DLC1: variants seen among roughly 807,000 people sequenced by gnomAD.
DLC1 encodes DLC1 Rho GTPase activating protein.
In DLC1, 54 loss-of-function variants were observed where a neutral mutation model predicts 140.3. That is an observed-to-expected ratio of 0.38 (90% CI 0.31 to 0.48). The LOEUF (loss-of-function observed/expected upper bound fraction) is 0.48. Among genes scored for constraint, DLC1 ranks in the 20% least tolerant of loss-of-function variants. The pLI is 0.96. For missense variants in DLC1, 2,536 were observed against 1,907.0 expected, an observed-to-expected ratio of 1.33 and a Z score of -6.14; for synonymous variants, 986 against 728.1, an observed-to-expected ratio of 1.35 and a Z score of -5.70.
intron 12 of DLC1, 61 bp downstream of exon 12, chr8:13,094,698 A>C: frequency 6.3e-7 from 1 of 1,592,052 alleles, no homozygotes; most frequent in Non-Finnish European, 8.6e-7. Context: ...AGGAAGCTAC[A>C]AGCTTCAGTT....
At chr8:13,484,726 C>A (rs1018983840) in intron 2 of DLC1, among the ~76,000 whole-genome samples, 1 of 151,962 alleles carries the variant, frequency 6.6e-6, no homozygotes, top group African/African-American at 2.4e-5. Flanking sequence ...GAACTAATGG[C>A]AGCAACAGTA....
chr8:13,091,423 T>C lies in DLC1; in HGVS notation c.3750A>G (p.Gln1250=). ...CTGGTTTGCCCAAACTTTGTTTTCT[T>C]TGCATTACCCTAGGTAGAAGAAATA... is the stretch of plus-strand genomic sequence containing the variant. ...KRENSSPRVM[Q]RKQSLGKPDQ... The change falls in exon 14 of 18, where the codon CAA becomes CAG. Residue 1250 remains glutamine (Q), a synonymous_variant. Transcript: ENST00000276297. 6.2e-7 allele frequency: 1 copy of C among 1,614,070 alleles called. No individual in the cohort carries two copies. Among genetic ancestry groups the C allele is most frequent in the Non-Finnish European group, 8.5e-7 (1 of 1,179,932 alleles).
intron 1 of DLC1, among the ~76,000 whole-genome samples, chr8:13,529,923 C>T (rs1014277409): frequency 3.4e-4 from 51 of 152,090 alleles, no homozygotes; most frequent in African/African-American, 8.7e-4. Flanking sequence ...AAAGAAGGGA[C>T]GAAAGGCTAC....
chr8:13,258,654 T>A (rs1235075019), intron 5 of DLC1, among the ~76,000 whole-genome samples: 1 of 152,162 alleles, frequency 6.6e-6, no homozygotes, highest in East Asian at 1.9e-4. Context: ...TGTAAGTTGG[T>A]TGTTGCAGTA....
intron 2 of DLC1, among the ~76,000 whole-genome samples, chr8:13,423,825 C>T (rs1266261333): frequency 6.6e-6 from 1 of 152,054 alleles, no homozygotes; most frequent in Non-Finnish European, 1.5e-5. Context: ...CTCTTTAAAA[C>T]AATTTAAAGA....
At chr8:13,549,893 C>T (rs1242317937) in intron 1 of DLC1, among the ~76,000 whole-genome samples, 1 of 152,132 alleles carries the variant, frequency 6.6e-6, no homozygotes, top group Non-Finnish European at 1.5e-5. Flanking sequence ...TCAAAAGTGG[C>T]TCTCCGGCTT....
chr8:13,473,024 C>T (rs902303108), intron 2 of DLC1, among the ~76,000 whole-genome samples: 2 of 152,094 alleles, frequency 1.3e-5, no homozygotes, highest in African/African-American at 4.8e-5. Flanking sequence ...TGAAGAGACA[C>T]AGAAGGAATT....
chr8:13,566,681 C>T (rs1379667971), intron 1 of DLC1, among the ~76,000 whole-genome samples: 1 of 152,230 alleles, frequency 6.6e-6, no homozygotes, highest in Non-Finnish European at 1.5e-5. Flanking sequence ...TTCCCGTTGA[C>T]TACTCGACTT....
intron 2 of DLC1, among the ~76,000 whole-genome samples, chr8:13,460,939 G>T (rs1799626736): frequency 6.6e-6 from 1 of 152,220 alleles, no homozygotes; most frequent in Admixed American, 6.5e-5. Flanking sequence ...AGGGCTGGGT[G>T]CCAAGGCTCA....
rs753582803 is a variant in DLC1 at position 13,499,539 on chromosome 8, C to G, written c.533G>C (p.Ser178Thr). 2 of 1,614,146 alleles carry G rather than the reference C, an allele frequency of 1.2e-6. No individual in the cohort carries two copies. Among genetic ancestry groups the G allele is most frequent in the Admixed American group, 1.7e-5 (1 of 60,016 alleles). ...AGAGTCAGTAACTTTTCTCTCCCCA[C>G]TTTCTTTTACCAGTGCTAATTCAGT... ...GETELALVKESGERKVTDSIS... is the reference protein window; with the variant it reads ...GETELALVKETGERKVTDSIS... The change falls in exon 2 of 18, where the codon AGT becomes ACT. Residue 178 changes from serine (S) to threonine (T), a missense_variant. Physicochemically the swap from Ser to Thr is moderately conservative, Grantham distance 58 (BLOSUM62 1). Transcript: ENST00000276297.
At chr8:13,407,927 C>A (rs947028977) in intron 2 of DLC1, among the ~76,000 whole-genome samples, 1 of 152,186 alleles carries the variant, frequency 6.6e-6, no homozygotes, top group African/African-American at 2.4e-5. Flanking sequence ...CAATAAATTT[C>A]TCATTCTAGA....
intron 4 of DLC1, among the ~76,000 whole-genome samples, chr8:13,381,560 G>T (rs966611777): frequency 7.9e-5 from 12 of 152,314 alleles, no homozygotes; most frequent in Non-Finnish European, 1.8e-4. Context: ...TTGTCTCTTA[G>T]ATTTTTCACT....
intron 1 of DLC1, among the ~76,000 whole-genome samples, chr8:13,513,497 C>T (rs1802467580): frequency 6.6e-6 from 1 of 152,028 alleles, no homozygotes; most frequent in Non-Finnish European, 1.5e-5. Flanking sequence ...TACTTCATTT[C>T]TTATGATCCA....
At chr8:13,318,799 G>T (rs1422984015) in intron 4 of DLC1, among the ~76,000 whole-genome samples, 3 of 152,146 alleles carry the variant, frequency 2.0e-5, no homozygotes, top group African/African-American at 7.2e-5. Context: ...GTCCTTGGCC[G>T]GCTGAACCTT....
At chr8:13,498,649 A>G (rs1801623656) in intron 2 of DLC1, among the ~76,000 whole-genome samples, 4 of 152,194 alleles carry the variant, frequency 2.6e-5, no homozygotes, top group Admixed American at 2.6e-4. Flanking sequence ...TGAAGAGAAA[A>G]AGAAATATGC....
At chr8:13,222,994 C>A (rs1414224819) in intron 5 of DLC1, among the ~76,000 whole-genome samples, 1 of 152,092 alleles carries the variant, frequency 6.6e-6, no homozygotes, top group Non-Finnish European at 1.5e-5. Context: ...CTCAAGGGAT[C>A]CTCCCACCTC....
chr8:13,162,377 T>A (rs930108265), intron 5 of DLC1, among the ~76,000 whole-genome samples: 3 of 152,128 alleles, frequency 2.0e-5, no homozygotes, highest in Non-Finnish European at 4.4e-5. Flanking sequence ...GGCTGGAGAA[T>A]AATGGCACAA....
intron 1 of DLC1, among the ~76,000 whole-genome samples, chr8:13,575,208 T>G (rs1042013869): frequency 1.3e-5 from 2 of 152,176 alleles, no homozygotes; most frequent in African/African-American, 2.4e-5. Context: ...GCCCACTGTT[T>G]GTCGAGGTAT....
intron 2 of DLC1, among the ~76,000 whole-genome samples, chr8:13,473,751 G>A (rs552307704): frequency 3.8e-4 from 58 of 152,260 alleles, no homozygotes; most frequent in African/African-American, 1.2e-3. Flanking sequence ...TTTTAGCAAA[G>A]AGACTGGTAG....
Sources: allele counts gnomAD v4.1 joint callset (sites outside exome capture counted in the v4.1 genomes callset), GRCh38; gene constraint gnomAD v4.1.1; transcripts MANE v1.5; gene names NCBI Gene and HGNC (gene_info 2026-07-23, HGNC 2026-07-21).